GAS6: variants seen among roughly 807,000 people sequenced by gnomAD.
GAS6 encodes growth arrest-specific protein 6.
A neutral mutation model predicts 75.8 loss-of-function variants in GAS6; 41 were observed. The ratio of observed to expected loss-of-function variants is 0.54; its 90% CI spans 0.42 to 0.70. The LOEUF (loss-of-function observed/expected upper bound fraction) is 0.70. Ranked by LOEUF, GAS6 falls within the 30% of genes least tolerant of loss-of-function variation. The pLI, the probability that GAS6 is intolerant of heterozygous loss-of-function variation, is 0.00. For synonymous variants in GAS6, 432 were observed against 412.6 expected, an observed-to-expected ratio of 1.05 and a Z score of -0.57; for missense variants, 854 against 940.2, an observed-to-expected ratio of 0.91 and a Z score of 1.20.
chr13:113,826,670 ACC>A (rs2051551666), intron 12 of GAS6, among the ~76,000 whole-genome samples: 1 of 105,388 alleles, frequency 9.5e-6, no homozygotes, highest in Non-Finnish European at 1.9e-5. Flanking sequence ...CCTCGCAGGC[ACC>A]TTCTCTCCCC....
At chr13:113,824,191 C>T (rs1288217359) in intron 12 of GAS6, among the ~76,000 whole-genome samples, 1 of 106,414 alleles carries the variant, frequency 9.4e-6, no homozygotes, top group Non-Finnish European at 1.8e-5. Flanking sequence ...GTCAGGAGCA[C>T]CCGCGGTCTG....
At chr13:113,835,114 A>T (rs1325987328) in intron 7 of GAS6, among the ~76,000 whole-genome samples, 3 of 152,152 alleles carry the variant, frequency 2.0e-5, no homozygotes, top group Non-Finnish European at 4.4e-5. Context: ...TGTTCCCATC[A>T]CTGGGGGCAC....
rs1205053555 is a variant in GAS6, at chr13:113,846,538, G to A, written c.332C>T (p.Thr111Ile). The change falls in exon 4 of 15, where the codon ACC becomes ATC. Residue 111 changes from threonine to isoleucine, a missense_variant. Physicochemically the swap from Thr to Ile is moderately conservative, Grantham distance 89. Transcript: ENST00000327773. ...SPYTKNSGFATCVQNLPDQCT... is the reference protein window; with the variant it reads ...SPYTKNSGFAICVQNLPDQCT... ...GGAGGCCGACTTACTTTGCACGCAG[G>A]TGGCGAAGCCTGAGTTTTTGGTGTA... 1 of 1,614,052 alleles carries A rather than the reference G, an allele frequency of 6.2e-7. No homozygotes were observed. The highest frequency in any genetic ancestry group is 1.1e-5 in the South Asian group (1 of 91,086).
Position 113,834,654 on chromosome 13 carries a change from T to G in GAS6, c.731A>C (p.Gln244Pro), listed in dbSNP as rs762983181. 5.0e-6 allele frequency: 8 copies of G among 1,590,500 alleles called. No individual in the cohort carries two copies. In the African/African-American group the frequency reaches 1.1e-4, roughly 21 times the overall value. ...CACGCAGACCTGCTCACAGCGGCCC[T>G]GCAGACACTCGTCCACATCTGCCAG... ...KACRDVDECL[Q>P]GRCEQVCVNS... The change falls in exon 8 of 15, where the codon CAG becomes CCG. Residue 244 changes from glutamine to proline, a missense_variant. Transcript: ENST00000327773.
chr13:113,850,692 A>G (rs1000299460), intron 2 of GAS6, among the ~76,000 whole-genome samples: 4 of 152,252 alleles, frequency 2.6e-5, no homozygotes, highest in Non-Finnish European at 5.9e-5. Flanking sequence ...ACATGGATGG[A>G]TGACAGATGG....
chr13:113,835,611 T>TC lies in GAS6; in HGVS notation c.613dup (p.Glu205GlyfsTer20). The TC allele has an allele frequency of 6.2e-7, 1 of 1,612,126 alleles. No homozygotes were observed. The highest frequency in any genetic ancestry group is 8.5e-7 in the Non-Finnish European group (1 of 1,179,818). ...CTTGCAGCGCGCCTCCCCGCAGGCC[T>TC]CCGAGTCTGCGCACTCGTCTATGTC... On this transcript the variant is annotated frameshift_variant, in exon 7 of 15. Coordinates refer to ENST00000327773, the MANE Select transcript of GAS6 (RefSeq NM_000820.4).
rs1302786904 is a variant in GAS6 at position 113,863,701 on chromosome 13, C to T, written c.129G>A (p.Arg43=). 5.3e-6 allele frequency: 8 copies of T among 1,513,220 alleles called. No homozygotes were observed. Among genetic ancestry groups the T allele is most frequent in the Admixed American group, 2.1e-5 (1 of 47,678 alleles). The allele number at this position is 1,513,220 out of a possible 1,614,324, so 93.7% of individuals were successfully genotyped here. The change falls in exon 2 of 15, where the codon CGG becomes CGA. Residue 43 remains arginine (R), a synonymous_variant. Coordinates refer to ENST00000327773, the MANE Select transcript of GAS6 (RefSeq NM_000820.4). The surrounding 1 kb of genome is among the most constrained non-coding windows in gnomAD (Gnocchi z 9.4). ...CCTGAAAGGCGCGGCGCTGCCTGGG[C>T]CGCAGGAACTGCGTGGCCTCGCGCG... is the stretch of plus-strand genomic sequence containing the variant. ...LPAREATQFL[R]PRQRRAFQVF...
intron 11 of GAS6, 59 bp downstream of exon 11, chr13:113,828,488 C>A: frequency 6.4e-7 from 1 of 1,552,836 alleles, no homozygotes; most frequent in South Asian, 1.2e-5. Context: ...GGCTTCCTGA[C>A]ACCGTTCCCG....
intron 3 of GAS6, chr13:113,846,904 G>C (rs994345813): frequency 6.3e-6 from 3 of 477,984 alleles, no homozygotes; most frequent in South Asian, 5.4e-5. Flanking sequence ...AGTTCCTGAC[G>C]GTACTCGAAA....
In GAS6 at chr13:113,863,451, TG is replaced by T. The variant is rs2051989373; in HGVS notation, c.255+123del. The T allele has an allele frequency of 2.1e-6, 2 of 956,204 alleles. No homozygotes were observed. The highest frequency in any genetic ancestry group is 2.8e-6 in the Non-Finnish European group (2 of 715,920). 59.2% of individuals were successfully genotyped at this position (956,204 alleles called of 1,614,324 possible). ...GGGACGCGGGGCGGGCCGGGGCTCC[TG>T]GGACCCTGAGGCCAGGCCTCGCCGC... On this transcript the variant is annotated intron_variant, in intron 2 of 14. Coordinates refer to ENST00000327773, the MANE Select transcript of GAS6 (RefSeq NM_000820.4). This position sits in a 1 kb window ranked among gnomAD's most constrained non-coding sequence, Gnocchi z 9.4.
chr13:113,833,398 A>C (rs749788685), intron 8 of GAS6: 88 of 991,792 alleles, frequency 8.9e-5, no homozygotes, highest in Non-Finnish European at 1.0e-4. Flanking sequence ...CCACGGCTGC[A>C]TCCCAGGTCT....
intron 2 of GAS6, among the ~76,000 whole-genome samples, chr13:113,860,737 G>C (rs1031758537): frequency 6.6e-6 from 1 of 152,180 alleles, no homozygotes; most frequent in South Asian, 2.1e-4. Flanking sequence ...GCCCAGCCTG[G>C]AGGAATGTCG....
At chr13:113,822,557 G>A (rs950865869) in intron 13 of GAS6, 12 of 199,370 alleles carry the variant, frequency 6.0e-5, no homozygotes, top group Non-Finnish European at 7.1e-5. Context: ...CTGCGGTGGC[G>A]GCCTCCCAGC....
At chr13:113,846,894 A>G in intron 3 of GAS6, 1 of 485,008 alleles carries the variant, frequency 2.1e-6, no homozygotes, top group South Asian at 1.9e-5. Flanking sequence ...ATGCTCAGTA[A>G]GTTCCTGACG....
chr13:113,835,472 G>C, intron 7 of GAS6, 41 bp downstream of exon 7: 1 of 1,603,536 alleles, frequency 6.2e-7, no homozygotes, highest in Non-Finnish European at 8.5e-7. Flanking sequence ...GTCTAGACTT[G>C]GGCGTCAGAG....
In GAS6 at chr13:113,844,125, G is replaced by A. The variant is rs535947490; in HGVS notation, c.343+2402C>T. The A allele has an allele frequency of 7.3e-5, 11 of 150,970 alleles. No homozygotes were observed. In the South Asian group the frequency reaches 1.7e-3, roughly 23 times the overall value. The allele number at this position is 150,970 out of a possible 1,614,324, so 9.4% of individuals were successfully genotyped here. A position where few individuals can be genotyped will look rare whatever the true frequency, so the allele number is the denominator to read the frequency against. On this transcript the variant is annotated intron_variant, in intron 4 of 14. Transcript: ENST00000327773. This position sits in a 1 kb window ranked among gnomAD's most constrained non-coding sequence, Gnocchi z 5.7. ...GGCAGCCTCTGAGGGCCGGCTCAGG[G>A]AGAGTGGCCGGAGCTTCTGGCCTGG...
chr13:113,825,949 G>C (rs1356579036), intron 12 of GAS6, among the ~76,000 whole-genome samples: 1 of 152,214 alleles, frequency 6.6e-6, no homozygotes, highest in East Asian at 1.9e-4. Context: ...CTGACGGAGG[G>C]GGCGCTGCCT....
At chr13:113,822,292 G>A in intron 13 of GAS6, 106 bp from the exon 14 acceptor site, 2 of 850,876 alleles carry the variant, frequency 2.4e-6, no homozygotes, top group South Asian at 2.0e-5. Flanking sequence ...CCGCACGCCT[G>A]TCTCCGTCCA....
chr13:113,827,099 G>A lies in GAS6; in HGVS notation c.1374C>T (p.Ile458=). The part of the protein sequence containing the change: ...WNWLNGEDTT[I]QETVKVNTRM... The stretch of plus-strand genomic sequence containing the variant: ...TCGTGTTCACTTTCACCGTTTCCTG[G>A]ATGGTGGTGTCTTCTCCGTTCAGCC... The change falls in exon 12 of 15, where the codon ATC becomes ATT. Residue 458 remains isoleucine (I), a synonymous_variant. Transcript: ENST00000327773. 6.2e-7 allele frequency: 1 copy of A among 1,613,360 alleles called. No homozygotes were observed. The highest frequency in any genetic ancestry group is 8.5e-7 in the Non-Finnish European group (1 of 1,179,912).
Sources: allele counts gnomAD v4.1 joint callset (sites outside exome capture counted in the v4.1 genomes callset), GRCh38; gene constraint gnomAD v4.1.1; non-coding constraint Gnocchi (gnomAD v3.1); transcripts MANE v1.5; gene names NCBI Gene and HGNC (gene_info 2026-07-23, HGNC 2026-07-21).